Variants in CPNE4 observed in about 807,000 individuals in gnomAD.
The protein encoded by CPNE4 is copine 4.
In CPNE4, 25 loss-of-function variants were observed where a neutral mutation model predicts 67.9. That is an observed-to-expected ratio of 0.37 (90% CI 0.27 to 0.51). The LOEUF (loss-of-function observed/expected upper bound fraction) is 0.51, where lower values mean the gene tolerates loss of function less well. CPNE4 is among the 20% of genes least tolerant of loss of function. The probability of loss-of-function intolerance (pLI) is 0.93; values close to 1 mark genes in which losing one functional copy is unlikely to be tolerated. For synonymous variants in CPNE4, 242 were observed against 244.9 expected, an observed-to-expected ratio of 0.99 and a Z score of 0.11; for missense variants, 464 against 690.8, an observed-to-expected ratio of 0.67 and a Z score of 3.68.
chr3:131,832,076 T>C (rs1258360518), intron 2 of CPNE4, among the ~76,000 whole-genome samples: 1 of 152,214 alleles, frequency 6.6e-6, no homozygotes, highest in Non-Finnish European at 1.5e-5. Flanking sequence ...TTGTCAGGGG[T>C]TCAAAGTTCT....
At chr3:131,777,850 T>C (rs919825665) in intron 2 of CPNE4, among the ~76,000 whole-genome samples, 2 of 152,062 alleles carry the variant, frequency 1.3e-5, no homozygotes, top group South Asian at 2.1e-4. Context: ...TGGAGATCTC[T>C]TGAGCAGGCC....
At chr3:131,968,206 C>T (rs1415880548) in intron 1 of CPNE4, among the ~76,000 whole-genome samples, 3 of 152,112 alleles carry the variant, frequency 2.0e-5, no homozygotes, top group Non-Finnish European at 2.9e-5. Context: ...CAAAAATTAA[C>T]TCATAATGGA....
At chr3:131,957,472 G>A (rs538642863) in intron 1 of CPNE4, among the ~76,000 whole-genome samples, 1 of 152,208 alleles carries the variant, frequency 6.6e-6, no homozygotes, top group Non-Finnish European at 1.5e-5. Context: ...CAAACTGTTG[G>A]ATAAGAAACC....
At chr3:131,853,410 C>G (rs769206947) in intron 2 of CPNE4, among the ~76,000 whole-genome samples, 2 of 151,512 alleles carry the variant, frequency 1.3e-5, no homozygotes, top group Non-Finnish European at 3.0e-5. Context: ...ATCCTATAAA[C>G]AAAATTAATT....
chr3:131,750,567 T>C (rs189334100), intron 2 of CPNE4, among the ~76,000 whole-genome samples: 3 of 152,250 alleles, frequency 2.0e-5, no homozygotes, highest in East Asian at 1.9e-4. Context: ...AAACTTTACT[T>C]TCCCCAATGT....
At chr3:131,682,438 C>T (rs1280114391) in intron 6 of CPNE4, among the ~76,000 whole-genome samples, 2 of 152,030 alleles carry the variant, frequency 1.3e-5, no homozygotes, top group African/African-American at 2.4e-5. Context: ...GGAAGAATTC[C>T]CTGGATTACC....
chr3:131,792,498 T>A (rs1173214227), intron 2 of CPNE4, among the ~76,000 whole-genome samples: 1 of 150,738 alleles, frequency 6.6e-6, no homozygotes, highest in Non-Finnish European at 1.5e-5. Flanking sequence ...CAAATGTTTA[T>A]ACATATACCT....
intron 1 of CPNE4, among the ~76,000 whole-genome samples, chr3:132,021,332 C>A (rs1347420286): frequency 2.0e-5 from 3 of 152,084 alleles, no homozygotes; most frequent in Non-Finnish European, 2.9e-5. Flanking sequence ...TGCATAGCAA[C>A]AAAGTTCTAC....
chr3:131,742,535 G>A (rs2082383130), intron 2 of CPNE4, among the ~76,000 whole-genome samples: 1 of 151,938 alleles, frequency 6.6e-6, no homozygotes, highest in African/African-American at 2.4e-5. Context: ...ATATATAATT[G>A]CATGTATACA....
chr3:131,898,406 T>C (rs1257857859), intron 2 of CPNE4, among the ~76,000 whole-genome samples: 1 of 152,124 alleles, frequency 6.6e-6, no homozygotes, highest in Non-Finnish European at 1.5e-5. Context: ...GTAAGGCTAA[T>C]GTCATGTTTT....
rs189526473 is a variant in CPNE4 at position 131,823,596 on chromosome 3, T to C, written c.180+81668A>G. Among the ~76,000 whole-genome samples, 7 of 152,334 alleles carry C rather than the reference T, an allele frequency of 4.6e-5. No individual in the cohort carries two copies. The East Asian group carries it at 1.3e-3, about 29-fold the overall frequency. Reference sequence around the variant, plus strand: ...AAAGCAAATGATGGAGGATGAGCTTTAGAACATCTCTGAAGCAACTTCTAA... The same window carrying C: ...AAAGCAAATGATGGAGGATGAGCTTCAGAACATCTCTGAAGCAACTTCTAA... On this transcript the variant is annotated intron_variant, in intron 2 of 15. Transcript: ENST00000429747.
At chr3:131,758,107 C>A (rs1209947534) in intron 2 of CPNE4, among the ~76,000 whole-genome samples, 8 of 152,144 alleles carry the variant, frequency 5.3e-5, no homozygotes, top group Admixed American at 5.2e-4. Context: ...ACTGGGGCAC[C>A]ACCTAGTGCA....
chr3:131,821,308 C>T (rs535207701), intron 2 of CPNE4, among the ~76,000 whole-genome samples: 1 of 152,274 alleles, frequency 6.6e-6, no homozygotes, highest in African/African-American at 2.4e-5. Context: ...TTAGAGAATA[C>T]TGGGAATTTA....
intron 3 of CPNE4, among the ~76,000 whole-genome samples, chr3:131,708,260 A>T (rs1170462868): frequency 6.6e-6 from 1 of 152,004 alleles, no homozygotes; most frequent in African/African-American, 2.4e-5. Context: ...AAGAAGAAGG[A>T]GCTACTGAGT....
At chr3:131,627,833 A>G (rs968195214) in intron 7 of CPNE4, among the ~76,000 whole-genome samples, 1 of 152,268 alleles carries the variant, frequency 6.6e-6, no homozygotes, top group Non-Finnish European at 1.5e-5. Flanking sequence ...CTGCAATTTC[A>G]TAATAAAACT....
intron 1 of CPNE4, among the ~76,000 whole-genome samples, chr3:132,006,683 G>A (rs1377426286): frequency 6.6e-6 from 1 of 151,314 alleles, no homozygotes; most frequent in Non-Finnish European, 1.5e-5. Flanking sequence ...TCTCTGGGCT[G>A]AGCTGTTGTG....
chr3:131,698,747 TA>T (rs2081221513), intron 4 of CPNE4, among the ~76,000 whole-genome samples: 1 of 151,356 alleles, frequency 6.6e-6, no homozygotes, highest in Non-Finnish European at 1.5e-5. Flanking sequence ...CCATCTCTAC[TA>T]AAAATACAAA....
intron 10 of CPNE4, among the ~76,000 whole-genome samples, chr3:131,571,937 G>A (rs1937357515): frequency 6.6e-6 from 1 of 151,056 alleles, no homozygotes; most frequent in Admixed American, 6.6e-5. Flanking sequence ...GAATATAGTG[G>A]TACATAAATA....
intron 7 of CPNE4, among the ~76,000 whole-genome samples, chr3:131,592,939 C>A (rs1938624524): frequency 6.6e-6 from 1 of 152,140 alleles, no homozygotes; most frequent in Non-Finnish European, 1.5e-5. Flanking sequence ...TCGGGTTACT[C>A]CCTCCTACTC....
Sources: allele counts gnomAD v4.1 joint callset (sites outside exome capture counted in the v4.1 genomes callset), GRCh38; gene constraint gnomAD v4.1.1; transcripts MANE v1.5; gene names NCBI Gene and HGNC (gene_info 2026-07-23, HGNC 2026-07-21).